Variants in CSMD3 observed in about 807,000 individuals in gnomAD.
CSMD3 encodes CUB and Sushi multiple domains 3, also known as CUB and sushi domain-containing protein 3.
A neutral mutation model predicts 435.2 loss-of-function variants in CSMD3; 177 were observed. The ratio of observed to expected loss-of-function variants is 0.41; its 90% CI spans 0.36 to 0.46. The LOEUF (loss-of-function observed/expected upper bound fraction) is 0.46. CSMD3 is among the 20% of genes least tolerant of loss of function. CSMD3 has a pLI of 0.34. For missense variants in CSMD3, 4,265 were observed against 4,504.6 expected (o/e 0.95, Z 1.52); for synonymous variants, 1,656 against 1,520.5 (o/e 1.09, Z -2.07).
chr8:113,015,436 T>A (rs1229502880), intron 6 of CSMD3, among the ~76,000 whole-genome samples: 1 of 151,976 alleles, frequency 6.6e-6, no homozygotes, highest in African/African-American at 2.4e-5. Context: ...ATACAAAAAA[T>A]TTTGGAAGAA....
At chr8:112,417,980 T>C (rs1162576658) in intron 32 of CSMD3, among the ~76,000 whole-genome samples, 2 of 152,190 alleles carry the variant, frequency 1.3e-5, no homozygotes, top group Non-Finnish European at 2.9e-5. Flanking sequence ...AGGGTTTATT[T>C]TGATGCCTAT....
At chr8:112,897,507 T>G (rs1251195293) in intron 10 of CSMD3, among the ~76,000 whole-genome samples, 2 of 151,286 alleles carry the variant, frequency 1.3e-5, no homozygotes, top group East Asian at 2.0e-4. Flanking sequence ...TACATTCCCT[T>G]ACTGATTAAT....
At chr8:112,571,403 A>C (rs1480428083) in intron 24 of CSMD3, among the ~76,000 whole-genome samples, 1 of 152,168 alleles carries the variant, frequency 6.6e-6, no homozygotes, top group Non-Finnish European at 1.5e-5. Context: ...AATGACAATA[A>C]AGTCAATGAT....
At chr8:113,165,944 G>A (rs2092140675) in intron 4 of CSMD3, among the ~76,000 whole-genome samples, 1 of 152,058 alleles carries the variant, frequency 6.6e-6, no homozygotes, top group Admixed American at 6.6e-5. Context: ...GGTGATGGCA[G>A]GATAAGAACA....
chr8:112,302,002 T>A, intron 52 of CSMD3, 36 bp from the exon 53 acceptor site: 1 of 1,427,080 alleles, frequency 7.0e-7, no homozygotes, highest in Non-Finnish European at 9.8e-7. Context: ...TCCTTAAAGA[T>A]ATAGTCAAGC....
chr8:112,267,769 A>G (rs1027695240), intron 59 of CSMD3, among the ~76,000 whole-genome samples: 24 of 152,150 alleles, frequency 1.6e-4, no homozygotes, highest in Admixed American at 1.6e-3. Context: ...TGGCACCACC[A>G]TGAATGAAAT....
chr8:113,026,348 ACTTC>A (rs924774346), intron 5 of CSMD3, among the ~76,000 whole-genome samples: 5 of 152,190 alleles, frequency 3.3e-5, no homozygotes, highest in African/African-American at 1.2e-4. Flanking sequence ...AGATTTCACC[ACTTC>A]CTTGTGGTGA....
At chr8:112,899,808 C>CATAT (rs35343113) in intron 10 of CSMD3, among the ~76,000 whole-genome samples, 4,542 of 143,728 alleles carry the variant, frequency 0.032, 114 homozygotes, top group Middle Eastern at 0.056. Flanking sequence ...CAACCAGTGT[C>CATAT]ATATATATAT....
At chr8:113,171,606 C>A (rs2092269024) in intron 4 of CSMD3, among the ~76,000 whole-genome samples, 1 of 151,952 alleles carries the variant, frequency 6.6e-6, no homozygotes, top group African/African-American at 2.4e-5. Flanking sequence ...TATCCAATTC[C>A]TCCAATTATA....
At chr8:112,787,432 C>T (rs987188347) in intron 13 of CSMD3, among the ~76,000 whole-genome samples, 1 of 152,022 alleles carries the variant, frequency 6.6e-6, no homozygotes, top group Non-Finnish European at 1.5e-5. Context: ...CAAAATACTG[C>T]TAGGTATGTA....
chr8:112,339,820 C>T (rs1824928180), intron 42 of CSMD3, among the ~76,000 whole-genome samples: 1 of 152,056 alleles, frequency 6.6e-6, no homozygotes, highest in Non-Finnish European at 1.5e-5. Flanking sequence ...CTTTAAAATG[C>T]ACTAGGTTAG....
intron 25 of CSMD3, among the ~76,000 whole-genome samples, chr8:112,555,357 T>C (rs1392616930): frequency 6.6e-6 from 1 of 152,018 alleles, no homozygotes; most frequent in East Asian, 1.9e-4. Flanking sequence ...AAAAACAGCA[T>C]GGCAAGTCAA....
At chr8:113,382,705 C>A (rs542873378) in intron 1 of CSMD3, among the ~76,000 whole-genome samples, 2 of 152,076 alleles carry the variant, frequency 1.3e-5, no homozygotes, top group Non-Finnish European at 2.9e-5. Context: ...GTTGGCCAGG[C>A]GTGGTGGCTC....
chr8:112,695,721 GT>G (rs1341730563), intron 13 of CSMD3, among the ~76,000 whole-genome samples: 6 of 152,176 alleles, frequency 3.9e-5, no homozygotes, highest in African/African-American at 1.4e-4. Flanking sequence ...AGTGTTGGAA[GT>G]TCTGGCCAGG....
At chr8:112,652,318 C>A (rs1418837010) in intron 18 of CSMD3, among the ~76,000 whole-genome samples, 1 of 152,056 alleles carries the variant, frequency 6.6e-6, no homozygotes, top group Non-Finnish European at 1.5e-5. Context: ...GTTTAGACCC[C>A]CTTCCTTCAG....
At chr8:112,412,476 T>C (rs1487421537) in intron 32 of CSMD3, among the ~76,000 whole-genome samples, 1 of 152,170 alleles carries the variant, frequency 6.6e-6, no homozygotes, top group Non-Finnish European at 1.5e-5. Context: ...GCTCTCAAGA[T>C]ACAAGAGTAA....
At chr8:112,754,932 G>A (rs759756908) in intron 13 of CSMD3, among the ~76,000 whole-genome samples, 10 of 152,158 alleles carry the variant, frequency 6.6e-5, no homozygotes, top group Admixed American at 1.3e-4. Flanking sequence ...AGCAATTACT[G>A]TTAGTTCCAA....
intron 1 of CSMD3, among the ~76,000 whole-genome samples, chr8:113,374,397 A>C (rs890380397): frequency 2.6e-5 from 4 of 152,102 alleles, no homozygotes; most frequent in African/African-American, 7.2e-5. Flanking sequence ...TCTTATTCAG[A>C]CCACAGCACT....
At chr8:113,099,302 C>T (rs1252618692) in intron 4 of CSMD3, among the ~76,000 whole-genome samples, 6 of 151,930 alleles carry the variant, frequency 3.9e-5, no homozygotes, top group Admixed American at 2.0e-4. Context: ...ACAAAGGAAA[C>T]ATGTATCTTA....
Sources: allele counts gnomAD v4.1 joint callset (sites outside exome capture counted in the v4.1 genomes callset), GRCh38; gene constraint gnomAD v4.1.1; transcripts MANE v1.5; gene names NCBI Gene and HGNC (gene_info 2026-07-23, HGNC 2026-07-21).